ATRNL1: variants seen among roughly 807,000 people sequenced by gnomAD.
ATRNL1 encodes the protein attractin like 1, also known as attractin-like protein 1.
A neutral mutation model predicts 182.7 loss-of-function variants in ATRNL1; 95 were observed. The observed-to-expected ratio is 0.52, with a 90% CI of 0.44 to 0.62. The LOEUF (loss-of-function observed/expected upper bound fraction) is 0.62, where lower values mean the gene tolerates loss of function less well. Among genes scored for constraint, ATRNL1 ranks in the 20% least tolerant of loss-of-function variants. The probability of loss-of-function intolerance (pLI) is 0.00; values close to 1 mark genes in which losing one functional copy is unlikely to be tolerated. For missense variants in ATRNL1, 1,471 were observed against 1,679.5 expected (o/e 0.88, Z 2.17); for synonymous variants, 576 against 568.3 (o/e 1.01, Z -0.19).
intron 28 of ATRNL1, among the ~76,000 whole-genome samples, chr10:115,896,508 G>C (rs1196814063): frequency 6.6e-6 from 1 of 151,952 alleles, no homozygotes; most frequent in African/African-American, 2.4e-5. Flanking sequence ...AGACAATAAA[G>C]GTATAAAAAG....
chr10:115,700,626 A>G (rs1157212213), intron 26 of ATRNL1, among the ~76,000 whole-genome samples: 1 of 151,976 alleles, frequency 6.6e-6, no homozygotes, highest in Admixed American at 6.6e-5. Flanking sequence ...GCTTGTGAAT[A>G]TTTTCTCCCA....
At chr10:115,333,718 C>G (rs1378625912) in intron 18 of ATRNL1, among the ~76,000 whole-genome samples, 1 of 152,032 alleles carries the variant, frequency 6.6e-6, no homozygotes, top group Non-Finnish European at 1.5e-5. Context: ...AACTCCTCAC[C>G]TCAAGTGATC....
intron 26 of ATRNL1, among the ~76,000 whole-genome samples, chr10:115,621,276 T>TAGAGAGAGAGAGAG (rs1157745862): frequency 8.0e-4 from 38 of 47,572 alleles, no homozygotes; most frequent in South Asian, 4.2e-3. Context: ...TATATATATA[T>TAGAGAGAGAGAGAG]AGAGAGAGAG....
intron 24 of ATRNL1, among the ~76,000 whole-genome samples, chr10:115,512,219 C>G (rs1236137510): frequency 6.6e-6 from 1 of 151,730 alleles, no homozygotes; most frequent in Non-Finnish European, 1.5e-5. Context: ...TATCCCATAC[C>G]CTGAGAAGAT....
chr10:115,303,913 A>C (rs1853604938), intron 17 of ATRNL1, among the ~76,000 whole-genome samples: 1 of 152,252 alleles, frequency 6.6e-6, no homozygotes, highest in East Asian at 1.9e-4. Context: ...AGATAGGGAA[A>C]GCAACAGTTT....
At position 115,682,669 on chromosome 10, in the gene ATRNL1, TATG is replaced by T. The variant is rs144515513; in HGVS notation, c.3796-44549_3796-44547del. On this transcript the variant is annotated intron_variant, in intron 26 of 28. Coordinates refer to ENST00000355044, the MANE Select transcript of ATRNL1 (RefSeq NM_207303.4). ...TAGTAAACACTCAATAGATAATACA[TATG>T]ATGATGATGATGATGATGATGATGA... Among the ~76,000 whole-genome samples, 935 of 150,038 alleles carry T rather than the reference TATG, an allele frequency of 6.2e-3. 9 individuals carry two copies. The highest frequency in any genetic ancestry group is 0.018 in the South Asian group (87 of 4,764).
chr10:115,193,814 A>G (rs1405840440), intron 8 of ATRNL1, among the ~76,000 whole-genome samples: 2 of 148,856 alleles, frequency 1.3e-5, no homozygotes, highest in South Asian at 2.1e-4. Flanking sequence ...AAGCTTTTCT[A>G]TTTTTTTAAT....
intron 27 of ATRNL1, among the ~76,000 whole-genome samples, chr10:115,833,111 A>G (rs529735786): frequency 5.3e-5 from 8 of 152,306 alleles, no homozygotes; most frequent in African/African-American, 1.7e-4. Flanking sequence ...AGTTAAATAT[A>G]TTTTTAAGGA....
chr10:115,434,514 G>A (rs1192307848), intron 21 of ATRNL1, among the ~76,000 whole-genome samples: 1 of 151,782 alleles, frequency 6.6e-6, no homozygotes, highest in Non-Finnish European at 1.5e-5. Flanking sequence ...GGAAATCAGT[G>A]GTATATGTAA....
In ATRNL1 at chr10:115,316,112, C is replaced by G. The variant is rs1376652161; in HGVS notation, c.3037+376C>G. Among the ~76,000 whole-genome samples the G allele has an allele frequency of 4.6e-5, 7 of 152,258 alleles. No homozygotes were observed. The East Asian group carries it at 1.4e-3, about 29-fold the overall frequency. ...ATCCTCTGAGTTTCTTCCCCTCACC[C>G]CCAGCCCGGCAACAGGCCCTGGTGC... On this transcript the variant is annotated intron_variant, in intron 18 of 28. Transcript: ENST00000355044.
rs562884089 is a variant in ATRNL1, at chr10:115,451,638, G to A, written c.3323-10303G>A. ...GATGCTGGTGAGGTTGTGGAGAAAAGGGAGCACTCATACACTGTTGGTGGG... is the reference window on the plus strand; with the variant it reads ...GATGCTGGTGAGGTTGTGGAGAAAAAGGAGCACTCATACACTGTTGGTGGG... On this transcript the variant is annotated intron_variant, in intron 21 of 28. Transcript: ENST00000355044. Among the ~76,000 whole-genome samples, 11 of 152,182 alleles carry A rather than the reference G, an allele frequency of 7.2e-5. No homozygotes were observed. The South Asian group carries it at 2.3e-3, about 32-fold the overall frequency.
intron 28 of ATRNL1, among the ~76,000 whole-genome samples, chr10:115,894,547 A>G (rs1455767266): frequency 1.3e-5 from 2 of 152,216 alleles, no homozygotes; most frequent in South Asian, 2.1e-4. Flanking sequence ...TAAAAATCCC[A>G]AGGAATATTA....
At chr10:115,632,377 G>A (rs1592979336) in intron 26 of ATRNL1, among the ~76,000 whole-genome samples, 1 of 152,158 alleles carries the variant, frequency 6.6e-6, no homozygotes, top group South Asian at 2.1e-4. Flanking sequence ...ATCAATGCTT[G>A]ATTATTTTTA....
At chr10:115,571,267 C>T (rs542728723) in intron 26 of ATRNL1, among the ~76,000 whole-genome samples, 10 of 152,216 alleles carry the variant, frequency 6.6e-5, no homozygotes, top group South Asian at 2.1e-4. Context: ...CAGACATAAA[C>T]GTGTGGAAAA....
chr10:115,272,250 C>T (rs1458455506), intron 13 of ATRNL1, among the ~76,000 whole-genome samples: 2 of 152,164 alleles, frequency 1.3e-5, no homozygotes, highest in East Asian at 1.9e-4. Context: ...GCCCAACACA[C>T]AGGGTGTAGG....
At chr10:115,598,616 C>A (rs973847386) in intron 26 of ATRNL1, among the ~76,000 whole-genome samples, 18 of 151,776 alleles carry the variant, frequency 1.2e-4, no homozygotes, top group Admixed American at 8.5e-4. Context: ...CCTGCCTCAG[C>A]CTCTCAAAGT....
At chr10:115,790,262 A>G (rs1367301317) in intron 27 of ATRNL1, among the ~76,000 whole-genome samples, 1 of 151,912 alleles carries the variant, frequency 6.6e-6, no homozygotes, top group Non-Finnish European at 1.5e-5. Flanking sequence ...AAAAGAAAAA[A>G]AAAAAAAAAC....
chr10:115,320,903 G>A (rs1854549706), intron 18 of ATRNL1, among the ~76,000 whole-genome samples: 3 of 152,082 alleles, frequency 2.0e-5, no homozygotes, highest in Non-Finnish European at 4.4e-5. Context: ...GTCCAGTTCT[G>A]CGCCCTTGCT....
intron 26 of ATRNL1, among the ~76,000 whole-genome samples, chr10:115,705,796 A>G (rs1946878849): frequency 6.6e-6 from 1 of 151,994 alleles, no homozygotes. Flanking sequence ...CACAGGGATT[A>G]TGCAGAAAGT....
Sources: gnomAD v4.1 joint callset for allele counts (sites outside exome capture counted in the v4.1 genomes callset) on GRCh38, gnomAD v4.1.1 for gene constraint, MANE v1.5 for transcripts, NCBI Gene and HGNC (gene_info 2026-07-23, HGNC 2026-07-21) for gene names.